The following RTN1 variants were observed in gnomAD, a reference collection of about 807,000 sequenced individuals.
The protein encoded by RTN1 is reticulon-1.
Under a neutral mutation model 65.5 loss-of-function variants are expected in RTN1, and 25 were observed. The ratio of observed to expected loss-of-function variants is 0.38; its 90% confidence interval spans 0.28 to 0.53. The LOEUF (loss-of-function observed/expected upper bound fraction) is 0.53. RTN1 is among the 20% of genes least tolerant of loss of function. RTN1 has a pLI of 0.79. For missense variants in RTN1, 983 were observed against 1,025.4 expected, an observed-to-expected ratio of 0.96 and a Z score of 0.57; for synonymous variants, 471 against 447.6, an observed-to-expected ratio of 1.05 and a Z score of -0.66.
At chr14:59,869,939 G>A (rs1887865084) in intron 1 of RTN1, among the ~76,000 whole-genome samples, 1 of 152,078 alleles carries the variant, frequency 6.6e-6, no homozygotes, top group African/African-American at 2.4e-5. Flanking sequence ...GGGTCCAGGG[G>A]CCGCGGGCCT....
At chr14:59,623,422 T>C (rs1882307848) in intron 3 of RTN1, among the ~76,000 whole-genome samples, 1 of 152,182 alleles carries the variant, frequency 6.6e-6, no homozygotes, top group Non-Finnish European at 1.5e-5. Context: ...GGCAAGCTCC[T>C]CCTCCTCCTA....
intron 3 of RTN1, among the ~76,000 whole-genome samples, chr14:59,723,022 T>C (rs1450653902): frequency 6.6e-6 from 1 of 152,124 alleles, no homozygotes. Flanking sequence ...GGTCTTGAAC[T>C]CCTGGGCTCA....
chr14:59,718,324 T>C (rs1197997277), intron 3 of RTN1, among the ~76,000 whole-genome samples: 2 of 152,226 alleles, frequency 1.3e-5, no homozygotes, highest in Admixed American at 1.3e-4. Flanking sequence ...TTGCCTCAAC[T>C]TGAAGCCCCA....
intron 3 of RTN1, among the ~76,000 whole-genome samples, chr14:59,704,241 C>G (rs1207795143): frequency 1.3e-5 from 2 of 152,158 alleles, no homozygotes; most frequent in Non-Finnish European, 2.9e-5. Context: ...AATTTTAATT[C>G]TAGTCCCTTC....
chr14:59,863,262 T>G (rs1887741100), intron 1 of RTN1, among the ~76,000 whole-genome samples: 3 of 152,164 alleles, frequency 2.0e-5, no homozygotes, highest in Non-Finnish European at 4.4e-5. Flanking sequence ...TACCTCTTAT[T>G]CAGTTTCCTT....
chr14:59,631,170 T>C (rs771313653), intron 3 of RTN1, among the ~76,000 whole-genome samples: 3 of 152,198 alleles, frequency 2.0e-5, no homozygotes, highest in African/African-American at 7.2e-5. Flanking sequence ...TCCACAGATA[T>C]CCAAAACCTT....
Position 59,803,892 on chromosome 14 carries a change from A to C in RTN1, c.242-57411T>G, listed in dbSNP as rs1344975516. Among the ~76,000 whole-genome samples, 1 of 152,204 alleles carries C rather than the reference A, an allele frequency of 6.6e-6. No individual in the cohort carries two copies. Among genetic ancestry groups the C allele is most frequent in the African/African-American group, 2.4e-5 (1 of 41,442 alleles). ...GTTTTATTTATTTATTTATGTTTACACTTTTAATTTTAGAACAGGTTTGGT... is the reference window on the plus strand; with the variant it reads ...GTTTTATTTATTTATTTATGTTTACCCTTTTAATTTTAGAACAGGTTTGGT... On this transcript the variant is annotated intron_variant, in intron 1 of 8. Coordinates refer to ENST00000267484, the MANE Select transcript of RTN1 (RefSeq NM_021136.3). This position sits in a 1 kb window ranked among gnomAD's most constrained non-coding sequence, Gnocchi z 5.6.
chr14:59,850,755 T>G (rs770050350), intron 1 of RTN1, among the ~76,000 whole-genome samples: 1 of 152,198 alleles, frequency 6.6e-6, no homozygotes, highest in Non-Finnish European at 1.5e-5. Flanking sequence ...TAGCAAATAT[T>G]TATACAGTCC....
Position 59,746,142 on chromosome 14 carries a change from T to C in RTN1, c.581A>G (p.Tyr194Cys). The change falls in exon 2 of 9, where the codon TAT (tyrosine) becomes TGT (cysteine). Residue 194 changes from tyrosine (Y) to cysteine (C), a missense_variant. Tyr to Cys is a radical substitution (Grantham distance 194). Coordinates refer to ENST00000267484, the MANE Select transcript of RTN1 (RefSeq NM_021136.3). The part of the protein sequence containing the change: ...DPLDQMKAEA[Y>C]KYIDITRPEE... ...GGGTCTGGTTATGTCAATGTATTTA[T>C]AGGCCTCTGCTTTCATCTGGTCCAG... 6.2e-7 allele frequency: 1 copy of C among 1,608,942 alleles called. No individual in the cohort carries two copies. Among genetic ancestry groups the C allele is most frequent in the Non-Finnish European group, 8.5e-7 (1 of 1,178,176 alleles).
At chr14:59,654,152 G>T (rs529882728) in intron 3 of RTN1, among the ~76,000 whole-genome samples, 3 of 152,116 alleles carry the variant, frequency 2.0e-5, no homozygotes, top group Middle Eastern at 3.2e-3. Context: ...GGGGCTGGAC[G>T]CAGTGGCTCA....
chr14:59,755,547 G>A (rs1012491696), intron 1 of RTN1, among the ~76,000 whole-genome samples: 4 of 152,112 alleles, frequency 2.6e-5, no homozygotes, highest in Non-Finnish European at 2.9e-5. Context: ...TAGGCTGGGA[G>A]GCTTTTTCCT....
intron 2 of RTN1, among the ~76,000 whole-genome samples, chr14:59,734,732 T>C (rs1202712336): frequency 6.6e-6 from 1 of 151,820 alleles, no homozygotes; most frequent in Non-Finnish European, 1.5e-5. Context: ...AAATATAGAA[T>C]TATGTAAAGA....
intron 3 of RTN1, among the ~76,000 whole-genome samples, chr14:59,719,304 T>C (rs1884600748): frequency 6.6e-6 from 1 of 152,224 alleles, no homozygotes; most frequent in Admixed American, 6.5e-5. Context: ...TTCCTGTCTC[T>C]GGCCTTTGCA....
chr14:59,763,531 C>CTTTTT (rs567181046), intron 1 of RTN1, among the ~76,000 whole-genome samples: 12 of 127,390 alleles, frequency 9.4e-5, no homozygotes, highest in East Asian at 2.3e-4. Context: ...AATTTTCTTT[C>CTTTTT]TTTTTTTTTT....
chr14:59,607,257 G>A, intron 4 of RTN1, 28 bp downstream of exon 4: 1 of 1,602,906 alleles, frequency 6.2e-7, no homozygotes, highest in South Asian at 1.1e-5. Flanking sequence ...TGGTCAGTGG[G>A]TGAGGGCTCC....
intron 1 of RTN1, among the ~76,000 whole-genome samples, chr14:59,845,880 C>T (rs1436474285): frequency 1.3e-5 from 2 of 151,856 alleles, no homozygotes; most frequent in Admixed American, 1.3e-4. Context: ...AGGCAGCTGC[C>T]ATGGACAATT....
chr14:59,829,948 A>T lies in RTN1; in HGVS notation c.241+40442T>A, dbSNP rs1348499740. On this transcript the variant is annotated intron_variant, in intron 1 of 8. Coordinates refer to ENST00000267484, the MANE Select transcript of RTN1 (RefSeq NM_021136.3). This position sits in a 1 kb window ranked among gnomAD's most constrained non-coding sequence, Gnocchi z 4.3. Reference sequence around the variant, plus strand: ...AAGGACACAAACTGTATGCTGAGTCATTGGGGTTTGAGAGTTTTTTATTTT... The same window carrying T: ...AAGGACACAAACTGTATGCTGAGTCTTTGGGGTTTGAGAGTTTTTTATTTT... 2.0e-5 allele frequency among the ~76,000 whole-genome samples: 3 copies of T among 152,322 alleles called. No homozygotes were observed.
At position 59,603,086 on chromosome 14, in the gene RTN1, T is replaced by C. The variant is rs1410591216; in HGVS notation, c.2267A>G (p.His756Arg). The change falls in exon 8 of 9, where the codon CAC becomes CGC. Residue 756 changes from histidine to arginine, a missense_variant. Transcript: ENST00000267484. ...IDQYLGLVRT[H>R]INAVVAKIQA... ...TTACTTTGCCACAACAGCATTTATG[T>C]GAGTCCTCACAAGTCCCAGATATTG... is the stretch of plus-strand genomic sequence containing the variant. 1 of 1,613,598 alleles carries C rather than the reference T, an allele frequency of 6.2e-7. No homozygotes were observed. Among genetic ancestry groups the C allele is most frequent in the Non-Finnish European group, 8.5e-7 (1 of 1,179,788 alleles).
chr14:59,626,518 A>G (rs1481947000), intron 3 of RTN1, among the ~76,000 whole-genome samples: 2 of 152,196 alleles, frequency 1.3e-5, no homozygotes, highest in African/African-American at 4.8e-5. Flanking sequence ...CTGGGGAGAA[A>G]AAATGATCTT....
Sources: gnomAD v4.1 joint callset for allele counts (sites outside exome capture counted in the v4.1 genomes callset) on GRCh38, gnomAD v4.1.1 for gene constraint, Gnocchi (gnomAD v3.1) non-coding constraint, MANE v1.5 for transcripts, NCBI Gene and HGNC (gene_info 2026-07-23, HGNC 2026-07-21) for gene names.